The following GRM7 variants were observed in gnomAD, a reference collection of about 807,000 sequenced individuals.
GRM7 encodes metabotropic glutamate receptor 7.
In GRM7, 35 loss-of-function variants were observed where a neutral mutation model predicts 84.5. The ratio of observed to expected loss-of-function variants is 0.41; its 90% confidence interval spans 0.32 to 0.55. The LOEUF (loss-of-function observed/expected upper bound fraction) is 0.55. GRM7 is among the 20% of genes least tolerant of loss of function. GRM7 has a pLI of 0.19. For synonymous variants in GRM7, 487 were observed against 455.1 expected (o/e 1.07, Z -0.89); for missense variants, 1,003 against 1,194.6 (o/e 0.84, Z 2.36).
intron 4 of GRM7, among the ~76,000 whole-genome samples, chr3:7,411,521 A>G (rs1695935857): frequency 1.3e-5 from 2 of 152,090 alleles, no homozygotes; most frequent in Admixed American, 6.6e-5. Context: ...TAATAATTTC[A>G]ATGTTTTTCT....
intron 5 of GRM7, among the ~76,000 whole-genome samples, chr3:7,451,559 G>A (rs889773380): frequency 6.6e-6 from 1 of 152,118 alleles, no homozygotes; most frequent in South Asian, 2.1e-4. Flanking sequence ...GAGAGGGTAG[G>A]CAGGGTCCAG....
At chr3:7,291,140 T>C (rs980725483) in intron 2 of GRM7, among the ~76,000 whole-genome samples, 10 of 147,484 alleles carry the variant, frequency 6.8e-5, no homozygotes, top group Non-Finnish European at 1.0e-4. Flanking sequence ...TTTCTTGACT[T>C]TTTTTTTTTT....
At chr3:7,642,542 G>C (rs2125105762) in intron 8 of GRM7, among the ~76,000 whole-genome samples, 1 of 152,266 alleles carries the variant, frequency 6.6e-6, no homozygotes. Context: ...ATTTGGTCAA[G>C]TAAGTCTAAA....
At chr3:7,318,565 G>T (rs1575161583) in intron 4 of GRM7, among the ~76,000 whole-genome samples, 1 of 151,838 alleles carries the variant, frequency 6.6e-6, no homozygotes, top group African/African-American at 2.4e-5. Context: ...AAGGTTGAAG[G>T]GGTTTTTTAA....
intron 3 of GRM7, among the ~76,000 whole-genome samples, chr3:7,304,110 T>C (rs543018266): frequency 1.3e-5 from 2 of 152,256 alleles, no homozygotes; most frequent in East Asian, 3.9e-4. Context: ...AACAAATAGC[T>C]GTTGTGACTA....
chr3:6,919,320 G>A (rs73124775), intron 1 of GRM7, among the ~76,000 whole-genome samples: 46 of 150,460 alleles, frequency 3.1e-4, no homozygotes, highest in African/African-American at 8.3e-4. Flanking sequence ...TGCCCCAGCC[G>A]CCTAAGTAGC....
chr3:7,579,435 A>G (rs990360094), intron 8 of GRM7, 78 bp downstream of exon 8: 1 of 823,434 alleles, frequency 1.2e-6, no homozygotes, highest in African/African-American at 1.7e-5. Flanking sequence ...AATTGATTGT[A>G]TAAAGTAAGA....
At chr3:7,468,565 A>C (rs1698556410) in intron 7 of GRM7, among the ~76,000 whole-genome samples, 1 of 152,208 alleles carries the variant, frequency 6.6e-6, no homozygotes, top group East Asian at 1.9e-4. Context: ...AACAAAAATA[A>C]CAATAATTTC....
chr3:7,433,419 C>T (rs1696914128), intron 5 of GRM7, among the ~76,000 whole-genome samples: 1 of 152,138 alleles, frequency 6.6e-6, no homozygotes, highest in South Asian at 2.1e-4. Context: ...GGATGTTGTC[C>T]CCACTTTGCA....
At chr3:7,007,509 G>A (rs929703116) in intron 1 of GRM7, among the ~76,000 whole-genome samples, 2 of 152,132 alleles carry the variant, frequency 1.3e-5, no homozygotes, top group Non-Finnish European at 2.9e-5. Flanking sequence ...GAATAGCTCA[G>A]AGTCTCTAAG....
At chr3:7,350,495 G>T (rs549025814) in intron 4 of GRM7, among the ~76,000 whole-genome samples, 5 of 152,016 alleles carry the variant, frequency 3.3e-5, no homozygotes, top group African/African-American at 1.2e-4. Flanking sequence ...CTCCATGATT[G>T]CAAGTTTCCT....
At chr3:7,010,580 T>C (rs1695336934) in intron 1 of GRM7, among the ~76,000 whole-genome samples, 2 of 152,132 alleles carry the variant, frequency 1.3e-5, no homozygotes, top group South Asian at 4.1e-4. Context: ...GAATCAGATA[T>C]TGAGGGTGAT....
intron 1 of GRM7, among the ~76,000 whole-genome samples, chr3:6,931,993 G>T (rs1697518484): frequency 1.3e-5 from 2 of 152,138 alleles, no homozygotes; most frequent in Non-Finnish European, 2.9e-5. Context: ...TTGCTGCGTG[G>T]GTAGGGTGAC....
At position 6,861,877 on chromosome 3, in the gene GRM7, C is replaced by A; in HGVS notation, c.489C>A (p.Ile163=). ...VIGASGSSVS[I]MVANILRLFQ... is the part of the protein sequence containing the mutation. ...GGGCTTCGGGGAGTTCGGTCTCCAT[C>A]ATGGTAGCCAACATCCTGAGGCTCT... Residue 163 remains isoleucine (I), a synonymous_variant, in exon 1 of 10, where the codon ATC becomes ATA. Coordinates refer to ENST00000357716, the MANE Select transcript of GRM7 (RefSeq NM_000844.4). This position sits in a 1 kb window ranked among gnomAD's most constrained non-coding sequence, Gnocchi z 6.4. 1 of 1,613,106 alleles carries A rather than the reference C, an allele frequency of 6.2e-7. No homozygotes were observed. Among genetic ancestry groups the A allele is most frequent in the Non-Finnish European group, 8.5e-7 (1 of 1,179,376 alleles).
At chr3:7,630,669 A>G (rs950049670) in intron 8 of GRM7, among the ~76,000 whole-genome samples, 3 of 152,198 alleles carry the variant, frequency 2.0e-5, no homozygotes, top group African/African-American at 7.2e-5. Context: ...TAACGTTATC[A>G]GCAAAACCAA....
intron 4 of GRM7, among the ~76,000 whole-genome samples, chr3:7,326,178 A>AG (rs376519698): frequency 1.9e-4 from 28 of 148,682 alleles, no homozygotes; most frequent in South Asian, 4.2e-4. Context: ...GGCAAAAAAA[A>AG]AAGAAAAAAA....
chr3:7,007,496 C>G (rs1330069803), intron 1 of GRM7, among the ~76,000 whole-genome samples: 1 of 152,146 alleles, frequency 6.6e-6, no homozygotes, highest in African/African-American at 2.4e-5. Context: ...CTCTCAATAT[C>G]TGGAATAGCT....
chr3:7,736,255 A>G (rs943571025), intron 9 of GRM7, among the ~76,000 whole-genome samples: 75 of 152,286 alleles, frequency 4.9e-4, no homozygotes, highest in African/African-American at 1.8e-3. Flanking sequence ...AAAAATTTAG[A>G]TATCAATCTT....
intron 8 of GRM7, among the ~76,000 whole-genome samples, chr3:7,598,086 A>C (rs551755880): frequency 6.6e-6 from 1 of 152,324 alleles, no homozygotes; most frequent in East Asian, 1.9e-4. Context: ...TGAAATTTGC[A>C]TGCAAATTAG....
Sources: gnomAD v4.1 joint callset for allele counts (sites outside exome capture counted in the v4.1 genomes callset) on GRCh38, gnomAD v4.1.1 for gene constraint, Gnocchi (gnomAD v3.1) non-coding constraint, MANE v1.5 for transcripts, NCBI Gene and HGNC (gene_info 2026-07-23, HGNC 2026-07-21) for gene names.